Variants in RPH3A observed in about 807,000 individuals in gnomAD.
RPH3A encodes rabphilin-3A.
RPH3A carries 48 observed loss-of-function variants against 102.2 expected under a neutral mutation model. That is an observed-to-expected ratio of 0.47 (90% CI 0.37 to 0.60). RPH3A has a LOEUF of 0.60. Among genes scored for constraint, RPH3A ranks in the 20% least tolerant of loss-of-function variants. RPH3A has a pLI of 0.00. For synonymous variants in RPH3A, 310 were observed against 324.3 expected (o/e 0.96, Z 0.47); for missense variants, 781 against 910.1 (o/e 0.86, Z 1.83).
At chr12:112,671,236 A>G (rs900480832) in intron 1 of RPH3A, among the ~76,000 whole-genome samples, 2 of 152,210 alleles carry the variant, frequency 1.3e-5, no homozygotes, top group Admixed American at 6.5e-5. Context: ...GAGACCCAAA[A>G]TGAGATAAAA....
chr12:112,607,658 G>GA (rs1255078241), intron 1 of RPH3A, among the ~76,000 whole-genome samples: 1 of 152,202 alleles, frequency 6.6e-6, no homozygotes, highest in Non-Finnish European at 1.5e-5. Flanking sequence ...TGCGGCCCTT[G>GA]AGGGAATACT....
chr12:112,766,327 G>A (rs1201093489), intron 1 of RPH3A, among the ~76,000 whole-genome samples: 2 of 152,196 alleles, frequency 1.3e-5, no homozygotes, highest in African/African-American at 4.8e-5. Flanking sequence ...GAGTAAATAT[G>A]TGTGAAGTGC....
At chr12:112,599,731 T>C (rs1203362785) in intron 1 of RPH3A, among the ~76,000 whole-genome samples, 1 of 152,184 alleles carries the variant, frequency 6.6e-6, no homozygotes, top group African/African-American at 2.4e-5. Flanking sequence ...AGGCAAAGTG[T>C]TAGTGGTATC....
chr12:112,890,181 T>C (rs1364757390), intron 18 of RPH3A, 101 bp downstream of exon 18: 1 of 1,036,372 alleles, frequency 9.6e-7, no homozygotes, highest in Non-Finnish European at 1.5e-6. Context: ...TCATCCATTC[T>C]CTTCCAACCA....
chr12:112,803,341 A>T (rs1008072485), intron 2 of RPH3A, among the ~76,000 whole-genome samples: 1 of 151,806 alleles, frequency 6.6e-6, no homozygotes, highest in African/African-American at 2.4e-5. Context: ...GAGGGAGAGG[A>T]TGAATTATCA....
chr12:112,783,569 G>C lies in RPH3A; in HGVS notation c.-139-8574G>C, dbSNP rs73425014. Among the ~76,000 whole-genome samples the C allele has an allele frequency of 3.0e-3, 452 of 152,306 alleles. 3 individuals carry two copies. The highest frequency in any genetic ancestry group is 0.01 in the African/African-American group (419 of 41,562). ...AGGATAACAATAAAAAATGAACAAA[G>C]TGAAGGTAATAATATAGTAGTAGCT... On this transcript the variant is annotated intron_variant, in intron 1 of 21. Transcript: ENST00000543106.
At chr12:112,579,853 C>G (rs1010714349) in intron 1 of RPH3A, among the ~76,000 whole-genome samples, 1 of 152,286 alleles carries the variant, frequency 6.6e-6, no homozygotes, top group African/African-American at 2.4e-5. Context: ...CCTCAGCCTC[C>G]TGAGTAGCTG....
intron 3 of RPH3A, among the ~76,000 whole-genome samples, chr12:112,834,490 A>G (rs2042018926): frequency 6.6e-6 from 1 of 152,212 alleles, no homozygotes; most frequent in Non-Finnish European, 1.5e-5. Flanking sequence ...CACATGGTGG[A>G]TGCCGGTTTA....
chr12:112,610,495 T>G (rs1951626686), intron 1 of RPH3A, among the ~76,000 whole-genome samples: 1 of 138,698 alleles, frequency 7.2e-6, no homozygotes, highest in African/African-American at 2.7e-5. Context: ...AGAGTGAGAC[T>G]CTGTCTCAAT....
intron 5 of RPH3A, among the ~76,000 whole-genome samples, chr12:112,861,929 C>T (rs1334249169): frequency 6.8e-6 from 1 of 147,832 alleles, no homozygotes; most frequent in African/African-American, 2.5e-5. Flanking sequence ...AGGAGAATGA[C>T]GTGAACCTGG....
intron 2 of RPH3A, among the ~76,000 whole-genome samples, chr12:112,817,900 C>T (rs553476193): frequency 1.3e-5 from 2 of 152,294 alleles, no homozygotes; most frequent in Non-Finnish European, 2.9e-5. Flanking sequence ...TTCTGGTTGT[C>T]TTTGGAATCC....
chr12:112,603,055 G>A lies in RPH3A; in HGVS notation c.-140+27736G>A, dbSNP rs113168430. Among the ~76,000 whole-genome samples the A allele has an allele frequency of 7.2e-3, 1,100 of 152,242 alleles. 17 individuals carry two copies. The highest frequency in any genetic ancestry group is 0.025 in the African/African-American group (1,039 of 41,544). On this transcript the variant is annotated intron_variant, in intron 1 of 21. Transcript: ENST00000543106. ...TGGAGAAGTATGATTGGACAAAAGG[G>A]GTATGATCTAATGGTAATAAACTGG...
At chr12:112,590,209 G>T (rs1290468531) in intron 1 of RPH3A, among the ~76,000 whole-genome samples, 1 of 152,096 alleles carries the variant, frequency 6.6e-6, no homozygotes, top group Non-Finnish European at 1.5e-5. Flanking sequence ...ACCCATTAGT[G>T]CTGAGAAAAG....
chr12:112,844,441 C>T (rs2042197866), intron 4 of RPH3A, among the ~76,000 whole-genome samples: 1 of 152,174 alleles, frequency 6.6e-6, no homozygotes, highest in South Asian at 2.1e-4. Context: ...ATTAATTCTG[C>T]CAATGACACA....
At chr12:112,688,042 C>A (rs2040279778) in intron 1 of RPH3A, among the ~76,000 whole-genome samples, 1 of 152,208 alleles carries the variant, frequency 6.6e-6, no homozygotes, top group Non-Finnish European at 1.5e-5. Context: ...CATTTCTGAT[C>A]ACCTTGATAT....
At chr12:112,690,274 G>A (rs1437524745) in intron 1 of RPH3A, among the ~76,000 whole-genome samples, 2 of 152,216 alleles carry the variant, frequency 1.3e-5, no homozygotes, top group Non-Finnish European at 2.9e-5. Context: ...GCATGTTAGT[G>A]GCCATTGTGA....
intron 1 of RPH3A, among the ~76,000 whole-genome samples, chr12:112,633,543 C>T (rs1449834105): frequency 6.6e-6 from 1 of 152,112 alleles, no homozygotes; most frequent in African/African-American, 2.4e-5. Context: ...TTGTGTGATG[C>T]CCTGGGCTAC....
At chr12:112,891,857 T>C (rs1010586158) in intron 19 of RPH3A, among the ~76,000 whole-genome samples, 3 of 152,202 alleles carry the variant, frequency 2.0e-5, no homozygotes, top group African/African-American at 7.2e-5. Context: ...TTCCTGTAGC[T>C]GGAGGTCTGC....
chr12:112,655,718 A>G (rs1255561171), intron 1 of RPH3A, among the ~76,000 whole-genome samples: 1 of 151,684 alleles, frequency 6.6e-6, no homozygotes, highest in Non-Finnish European at 1.5e-5. Context: ...TTACAGGTGC[A>G]TACCACCATG....
Sources: gnomAD v4.1 joint callset for allele counts (sites outside exome capture counted in the v4.1 genomes callset) on GRCh38, gnomAD v4.1.1 for gene constraint, MANE v1.5 for transcripts, NCBI Gene and HGNC (gene_info 2026-07-23, HGNC 2026-07-21) for gene names.